The following CUBN variants were observed in gnomAD, a reference collection of about 807,000 sequenced individuals.
The protein encoded by CUBN is 460 kDa receptor.
A neutral mutation model predicts 405.3 loss-of-function variants in CUBN; 282 were observed. That is an observed-to-expected ratio of 0.70 (90% CI 0.63 to 0.77). The LOEUF (loss-of-function observed/expected upper bound fraction) is 0.77, where lower values mean the gene tolerates loss of function less well. Among genes scored for constraint, CUBN ranks in the 30% least tolerant of loss-of-function variants. The pLI is 0.00. For missense variants in CUBN, 4,514 were observed against 4,475.2 expected (o/e 1.01, Z -0.25); for synonymous variants, 1,684 against 1,617.0 (o/e 1.04, Z -0.99).
At chr10:17,106,463 G>A (rs900452954) in intron 10 of CUBN, among the ~76,000 whole-genome samples, 7 of 150,896 alleles carry the variant, frequency 4.6e-5, no homozygotes, top group Admixed American at 4.6e-4. Context: ...AATTAGCGGG[G>A]CATGGTGGCC....
intron 17 of CUBN, among the ~76,000 whole-genome samples, chr10:17,072,412 TA>T (rs1367133763): frequency 6.6e-6 from 1 of 151,560 alleles, no homozygotes; most frequent in African/African-American, 2.4e-5. Flanking sequence ...AGAGAGAAAG[TA>T]AAAGAATGTA....
chr10:16,897,772 C>A (rs1447971880), intron 54 of CUBN, among the ~76,000 whole-genome samples: 2 of 152,116 alleles, frequency 1.3e-5, no homozygotes, highest in Non-Finnish European at 2.9e-5. Context: ...GCATCTCGGG[C>A]CCATTAGGAG....
chr10:17,079,764 G>C (rs1422537697), intron 17 of CUBN, among the ~76,000 whole-genome samples: 3 of 152,140 alleles, frequency 2.0e-5, no homozygotes, highest in Non-Finnish European at 4.4e-5. Flanking sequence ...AGGTCCACTT[G>C]AGGGAAGCAA....
intron 14 of CUBN, among the ~76,000 whole-genome samples, chr10:17,093,193 T>C (rs1027965896): frequency 6.6e-6 from 1 of 152,134 alleles, no homozygotes; most frequent in Non-Finnish European, 1.5e-5. Context: ...TGCATGGAAA[T>C]GGCACCTCAA....
intron 63 of CUBN, 117 bp downstream of exon 63, chr10:16,836,118 T>C: frequency 2.9e-6 from 3 of 1,042,190 alleles, no homozygotes; most frequent in South Asian, 2.7e-5. Flanking sequence ...ATGTGGTTTT[T>C]GTTAACAAAT....
chr10:17,068,541 C>A, intron 20 of CUBN, 64 bp downstream of exon 20: 2 of 1,343,244 alleles, frequency 1.5e-6, no homozygotes, highest in Non-Finnish European at 2.1e-6. Flanking sequence ...TAATTTATTT[C>A]TATCATTCAC....
In CUBN at chr10:17,090,129, A is replaced by C. The variant is rs529802759; in HGVS notation, c.1766-1784T>G. Among the ~76,000 whole-genome samples, 254 of 152,242 alleles carry C rather than the reference A, an allele frequency of 1.7e-3. 2 individuals are homozygous for C. The Middle Eastern group carries it at 0.027, about 16-fold the overall frequency. On this transcript the variant is annotated intron_variant, in intron 14 of 66. Coordinates refer to ENST00000377833, the MANE Select transcript of CUBN (RefSeq NM_001081.4). Reference sequence around the variant, plus strand: ...AAAAAGAAAATGGCCAAAGGACTGGAAACAAGCCAAATGTCCGTCAATAGA... The same window carrying C: ...AAAAAGAAAATGGCCAAAGGACTGGCAACAAGCCAAATGTCCGTCAATAGA...
At chr10:17,098,234 G>A (rs1836418331) in intron 14 of CUBN, among the ~76,000 whole-genome samples, 1 of 152,150 alleles carries the variant, frequency 6.6e-6, no homozygotes, top group African/African-American at 2.4e-5. Flanking sequence ...CCAGCCTTTA[G>A]ACAGCTACAG....
chr10:16,849,567 G>A (rs973980763), intron 60 of CUBN, among the ~76,000 whole-genome samples: 1 of 152,176 alleles, frequency 6.6e-6, no homozygotes, highest in Non-Finnish European at 1.5e-5. Context: ...CCCTTTCATA[G>A]TAAAAACAAA....
At chr10:17,030,894 G>A (rs558156863) in intron 27 of CUBN, among the ~76,000 whole-genome samples, 2 of 151,966 alleles carry the variant, frequency 1.3e-5, no homozygotes, top group South Asian at 2.1e-4. Flanking sequence ...ACTCCAGCCC[G>A]GGCGACAGAG....
At chr10:16,871,035 T>C (rs1220845407) in intron 58 of CUBN, among the ~76,000 whole-genome samples, 1 of 117,600 alleles carries the variant, frequency 8.5e-6, no homozygotes, top group Non-Finnish European at 1.8e-5. Context: ...CTGCTTTTTC[T>C]TTTTTTTTTT....
chr10:16,912,888 T>A (rs1841772740), intron 48 of CUBN, among the ~76,000 whole-genome samples: 1 of 152,184 alleles, frequency 6.6e-6, no homozygotes, highest in South Asian at 2.1e-4. Flanking sequence ...CATGATCCGA[T>A]TGAGGTTTAA....
At chr10:16,987,940 A>G (rs1833473767) in intron 29 of CUBN, among the ~76,000 whole-genome samples, 1 of 152,158 alleles carries the variant, frequency 6.6e-6, no homozygotes, top group Non-Finnish European at 1.5e-5. Flanking sequence ...GGAACACGGG[A>G]GGCCACTGCA....
chr10:17,004,530 C>T (rs918093186), intron 28 of CUBN, among the ~76,000 whole-genome samples: 3 of 152,138 alleles, frequency 2.0e-5, no homozygotes, highest in African/African-American at 7.2e-5. Context: ...TCTGGGATTT[C>T]CTATCTATGA....
chr10:16,984,102 C>G lies in CUBN; in HGVS notation c.4525+3G>C. On this transcript the variant is annotated splice_donor_region_variant and intron_variant, in intron 30 of 66. Transcript: ENST00000377833. ...CTTTAGGAAACCTCCTTTTCTCACTCACCTCCAGTGACTGCTTGCCATGAC... is the reference window on the plus strand; with the variant it reads ...CTTTAGGAAACCTCCTTTTCTCACTGACCTCCAGTGACTGCTTGCCATGAC... The G allele has an allele frequency of 6.2e-7, 1 of 1,614,182 alleles. No homozygotes were observed. Among genetic ancestry groups the G allele is most frequent in the Non-Finnish European group, 8.5e-7 (1 of 1,180,036 alleles).
At position 16,869,164 on chromosome 10, in the gene CUBN, A is replaced by ATTTTTTT. The variant is rs72310717; in HGVS notation, c.9454+465_9454+471dup. Among the ~76,000 whole-genome samples the ATTTTTTT allele has an allele frequency of 9.5e-4, 115 of 121,146 alleles. 1 individual carries two copies. The highest frequency in any genetic ancestry group is 1.5e-3 in the Non-Finnish European group (86 of 58,994). 79.5% of individuals were successfully genotyped at this position (121,146 alleles called of 152,430 possible). On this transcript the variant is annotated intron_variant, in intron 59 of 66. Coordinates refer to ENST00000377833, the MANE Select transcript of CUBN (RefSeq NM_001081.4). ...CTTCCTCCACTGTGCTACCAAAGTG[A>ATTTTTTT]TTTTTTTTTTTTTTTTTTTGAGACA... is the stretch of plus-strand genomic sequence containing the variant.
At chr10:17,056,540 C>CCAGTGAGTGAACCAGT (rs1835400626) in intron 22 of CUBN, among the ~76,000 whole-genome samples, 1 of 151,446 alleles carries the variant, frequency 6.6e-6, no homozygotes, top group African/African-American at 2.4e-5. Context: ...ACCCGGGAGT[C>CCAGTGAGTGAACCAGT]GGAGCTTGCA....
intron 60 of CUBN, among the ~76,000 whole-genome samples, chr10:16,849,917 A>G (rs1839634674): frequency 6.6e-6 from 1 of 152,088 alleles, no homozygotes; most frequent in South Asian, 2.1e-4. Context: ...TAAAGTCATT[A>G]GTTTGACTTT....
intron 36 of CUBN, 75 bp downstream of exon 36, chr10:16,947,160 C>T (rs1842808128): frequency 1.4e-6 from 2 of 1,479,766 alleles, no homozygotes; most frequent in African/African-American, 1.4e-5. Flanking sequence ...ATGAGTTGCC[C>T]ATCCTATTAG....
Sources: gnomAD v4.1 joint callset for allele counts (sites outside exome capture counted in the v4.1 genomes callset) on GRCh38, gnomAD v4.1.1 for gene constraint, MANE v1.5 for transcripts, NCBI Gene and HGNC (gene_info 2026-07-23, HGNC 2026-07-21) for gene names.